ACACA: variants seen among roughly 807,000 people sequenced by gnomAD.
The protein encoded by ACACA is acetyl-CoA carboxylase 1.
Under a neutral mutation model 296.1 loss-of-function variants are expected in ACACA, and 103 were observed. The ratio of observed to expected loss-of-function variants is 0.35; its 90% CI spans 0.30 to 0.41. ACACA has a LOEUF of 0.41. Ranked by LOEUF, ACACA falls within the 10% of genes least tolerant of loss-of-function variation. The probability of loss-of-function intolerance (pLI) is 1.00; values close to 1 mark genes in which losing one functional copy is unlikely to be tolerated. For missense variants in ACACA, 1,554 were observed against 2,989.7 expected, an observed-to-expected ratio of 0.52 and a Z score of 11.20; for synonymous variants, 953 against 1,038.6, an observed-to-expected ratio of 0.92 and a Z score of 1.58.
intron 3 of ACACA, among the ~76,000 whole-genome samples, chr17:37,319,119 G>A (rs1445140951): frequency 6.6e-6 from 1 of 151,968 alleles, no homozygotes; most frequent in African/African-American, 2.4e-5. Context: ...TCTTAAACGA[G>A]TCACTAGTCA....
chr17:37,291,197 T>C (rs1206037051), intron 3 of ACACA, among the ~76,000 whole-genome samples: 2 of 148,036 alleles, frequency 1.4e-5, no homozygotes, highest in Admixed American at 6.6e-5. Flanking sequence ...TGTTTTGAGA[T>C]GGAGTTTCGC....
At chr17:37,114,321 C>T (rs181012524) in intron 50 of ACACA, among the ~76,000 whole-genome samples, 4 of 152,120 alleles carry the variant, frequency 2.6e-5, no homozygotes, top group Non-Finnish European at 5.9e-5. Context: ...GTGGGAGGAC[C>T]GCTTGAGCCC....
intron 3 of ACACA, among the ~76,000 whole-genome samples, chr17:37,319,348 CAG>C (rs2047237584): frequency 1.3e-5 from 2 of 151,902 alleles, no homozygotes; most frequent in African/African-American, 2.4e-5. Context: ...GATTATAAAA[CAG>C]TGTGTACAGT....
chr17:37,141,891 A>G (rs982835447), intron 45 of ACACA, among the ~76,000 whole-genome samples: 4 of 151,550 alleles, frequency 2.6e-5, no homozygotes, highest in African/African-American at 9.7e-5. Context: ...GGGCTTTACC[A>G]TGTTGGCCAG....
At chr17:37,316,505 C>T (rs1385474613) in intron 3 of ACACA, among the ~76,000 whole-genome samples, 1 of 152,102 alleles carries the variant, frequency 6.6e-6, no homozygotes, top group Non-Finnish European at 1.5e-5. Context: ...TTTGGCTAGA[C>T]ACTAACATAT....
intron 52 of ACACA, among the ~76,000 whole-genome samples, chr17:37,110,810 G>C (rs568357696): frequency 3.9e-5 from 6 of 152,192 alleles, no homozygotes; most frequent in African/African-American, 1.4e-4. Flanking sequence ...AAAGAACCTC[G>C]AGCAATTATC....
intron 1 of ACACA, among the ~76,000 whole-genome samples, chr17:37,346,197 A>G (rs1326009705): frequency 6.6e-6 from 1 of 151,986 alleles, no homozygotes. Context: ...TGCACCTGTA[A>G]TCTCAGCTAC....
chr17:37,364,491 G>A (rs2049532606), intron 1 of ACACA, among the ~76,000 whole-genome samples: 1 of 151,442 alleles, frequency 6.6e-6, no homozygotes, highest in African/African-American at 2.4e-5. Flanking sequence ...CTACTTACGA[G>A]GCTGAGGCAG....
At chr17:37,204,673 C>T (rs1033913558) in intron 33 of ACACA, among the ~76,000 whole-genome samples, 1 of 152,016 alleles carries the variant, frequency 6.6e-6, no homozygotes, top group African/African-American at 2.4e-5. Flanking sequence ...TTAAGACAAA[C>T]AAGATTTAGA....
chr17:37,173,982 T>TTATTTATATATTTTTATATATATATA (rs1555573869), intron 41 of ACACA, among the ~76,000 whole-genome samples: 1 of 19,450 alleles, frequency 5.1e-5, no homozygotes, highest in African/African-American at 1.7e-4. Context: ...CCTGGCTAAT[T>TTATTTATATATTTTTATATATATATA]TATATATATA....
rs892939131 is a variant in ACACA at position 37,406,599 on chromosome 17, C to G, written c.-300G>C. 8.9e-6 allele frequency: 5 copies of G among 559,314 alleles called. No homozygotes were observed. The highest frequency in any genetic ancestry group is 1.6e-5 in the Non-Finnish European group (5 of 312,202). The allele number at this position is 559,314 out of a possible 1,614,324, so 34.6% of individuals were successfully genotyped here. A position where few individuals can be genotyped will look rare whatever the true frequency, so the allele number is the denominator to read the frequency against. On this transcript the variant is annotated 5_prime_UTR_variant, in exon 1 of 56. Coordinates refer to ENST00000616317, the MANE Select transcript of ACACA (RefSeq NM_198834.3). Reference sequence around the variant, plus strand: ...CGGCTCGGCCCGCCTCACCGCACTCCGGAGGGGACCAAACAGCCCCACGCG... The same window carrying G: ...CGGCTCGGCCCGCCTCACCGCACTCGGGAGGGGACCAAACAGCCCCACGCG...
intron 31 of ACACA, among the ~76,000 whole-genome samples, 190 bp from the exon 32 acceptor site, chr17:37,207,069 T>C (rs948673938): frequency 4.6e-5 from 7 of 152,250 alleles, no homozygotes; most frequent in Non-Finnish European, 1.0e-4. Context: ...GGATGGATTG[T>C]TTAAACTTTA....
At chr17:37,270,726 C>G (rs1187070006) in intron 10 of ACACA, 25 bp downstream of exon 10, 1 of 1,562,402 alleles carries the variant, frequency 6.4e-7, no homozygotes, top group South Asian at 1.1e-5. Flanking sequence ...TTAGTTCAAA[C>G]AAACAAAAAC....
At chr17:37,211,166 T>C (rs939913917) in intron 29 of ACACA, among the ~76,000 whole-genome samples, 1 of 152,232 alleles carries the variant, frequency 6.6e-6, no homozygotes, top group African/African-American at 2.4e-5. Context: ...TAAATGATTC[T>C]ATGATAAGTT....
chr17:37,399,569 G>A (rs892071160), intron 1 of ACACA, among the ~76,000 whole-genome samples: 12 of 152,112 alleles, frequency 7.9e-5, no homozygotes, highest in African/African-American at 2.9e-4. Flanking sequence ...CTGATAAACC[G>A]AGCCACTTAG....
chr17:37,153,763 G>GA (rs1390172975), intron 43 of ACACA, among the ~76,000 whole-genome samples: 2 of 152,028 alleles, frequency 1.3e-5, no homozygotes, highest in Non-Finnish European at 1.5e-5. Flanking sequence ...GGGGTGCTAT[G>GA]AAAAAATTAC....
intron 45 of ACACA, among the ~76,000 whole-genome samples, chr17:37,132,640 A>G (rs900777341): frequency 1.5e-4 from 23 of 152,260 alleles, no homozygotes; most frequent in African/African-American, 5.3e-4. Context: ...CTTGTTGCCC[A>G]GAAGAGAGAG....
At chr17:37,279,703 C>T (rs1186037713) in intron 5 of ACACA, among the ~76,000 whole-genome samples, 1 of 150,390 alleles carries the variant, frequency 6.6e-6, no homozygotes, top group African/African-American at 2.5e-5. Context: ...CCCAGCCACT[C>T]GGGAGGCTGA....
intron 3 of ACACA, among the ~76,000 whole-genome samples, chr17:37,324,835 C>CAAA (rs35499336): frequency 1.3e-5 from 1 of 75,854 alleles, no homozygotes. Context: ...AACTCCGACT[C>CAAA]AAAAAAAAAA....
Sources: gnomAD v4.1 joint callset for allele counts (sites outside exome capture counted in the v4.1 genomes callset) on GRCh38, gnomAD v4.1.1 for gene constraint, MANE v1.5 for transcripts, NCBI Gene and HGNC (gene_info 2026-07-23, HGNC 2026-07-21) for gene names.